Variants in CCSER1 observed in about 807,000 individuals in gnomAD.
CCSER1 encodes coiled-coil serine rich protein 1.
CCSER1 carries 41 observed loss-of-function variants against 82.0 expected under a neutral mutation model. The ratio of observed to expected loss-of-function variants is 0.50; its 90% CI spans 0.39 to 0.65. The LOEUF is 0.65. Among genes scored for constraint, CCSER1 ranks in the 30% least tolerant of loss-of-function variants. The pLI is 0.00. For missense variants in CCSER1, 1,119 were observed against 1,064.2 expected (o/e 1.05, Z -0.72); for synonymous variants, 414 against 383.9 (o/e 1.08, Z -0.92).
intron 10 of CCSER1, among the ~76,000 whole-genome samples, chr4:91,252,903 A>G (rs1452131650): frequency 2.6e-5 from 4 of 152,194 alleles, no homozygotes; most frequent in African/African-American, 9.7e-5. Flanking sequence ...CATAAGGCAT[A>G]TCAAAAGATA....
At chr4:90,567,853 C>T (rs1356776788) in intron 5 of CCSER1, among the ~76,000 whole-genome samples, 4 of 151,358 alleles carry the variant, frequency 2.6e-5, no homozygotes, top group East Asian at 2.0e-4. Context: ...GTGATCTGCC[C>T]GCTTCAGCCT....
intron 8 of CCSER1, among the ~76,000 whole-genome samples, chr4:90,867,788 A>T (rs2150015805): frequency 6.6e-6 from 1 of 152,150 alleles, no homozygotes; most frequent in African/African-American, 2.4e-5. Context: ...ATGAATGAGA[A>T]CATGCAAAAT....
At chr4:90,519,934 G>A (rs922158436) in intron 5 of CCSER1, among the ~76,000 whole-genome samples, 4 of 151,942 alleles carry the variant, frequency 2.6e-5, no homozygotes, top group African/African-American at 4.8e-5. Flanking sequence ...AAACTACATT[G>A]ATTGGTTTAA....
intron 10 of CCSER1, among the ~76,000 whole-genome samples, chr4:91,338,905 G>A (rs1187927198): frequency 2.0e-5 from 3 of 152,080 alleles, no homozygotes; most frequent in African/African-American, 4.8e-5. Flanking sequence ...TTAACACCAC[G>A]TAGCAGTCTC....
At chr4:90,470,170 C>T (rs1171717964) in intron 5 of CCSER1, among the ~76,000 whole-genome samples, 3 of 151,940 alleles carry the variant, frequency 2.0e-5, no homozygotes, top group Non-Finnish European at 4.4e-5. Flanking sequence ...TGTTTTCTTC[C>T]TCACATCTCA....
intron 9 of CCSER1, among the ~76,000 whole-genome samples, chr4:91,042,840 A>G (rs558406995): frequency 1.3e-5 from 2 of 152,228 alleles, no homozygotes; most frequent in South Asian, 2.1e-4. Flanking sequence ...TGAAAAATCT[A>G]TGGCGGCTAG....
chr4:91,189,725 A>G (rs1045498116), intron 10 of CCSER1, among the ~76,000 whole-genome samples: 4 of 152,094 alleles, frequency 2.6e-5, no homozygotes, highest in Admixed American at 2.0e-4. Flanking sequence ...TATATATTGT[A>G]TATAAAGGCA....
chr4:90,966,338 T>C (rs1283305215), intron 9 of CCSER1, among the ~76,000 whole-genome samples: 4 of 151,568 alleles, frequency 2.6e-5, no homozygotes, highest in Admixed American at 2.0e-4. Flanking sequence ...GAAAAAAAAA[T>C]GTGAAGACAG....
At chr4:90,272,136 T>G (rs1726654132) in intron 1 of CCSER1, among the ~76,000 whole-genome samples, 1 of 151,750 alleles carries the variant, frequency 6.6e-6, no homozygotes, top group African/African-American at 2.4e-5. Flanking sequence ...CCTGGACACA[T>G]GAGGATTACA....
At chr4:91,404,210 G>A (rs934124581) in intron 10 of CCSER1, among the ~76,000 whole-genome samples, 2 of 151,970 alleles carry the variant, frequency 1.3e-5, no homozygotes, top group Admixed American at 1.3e-4. Flanking sequence ...TTCCCTGATG[G>A]TAGTTTGTAT....
chr4:90,840,431 GA>G (rs1762440838), intron 8 of CCSER1, among the ~76,000 whole-genome samples: 1 of 152,150 alleles, frequency 6.6e-6, no homozygotes, highest in African/African-American at 2.4e-5. Context: ...TCAAATCCTT[GA>G]AGAACTTTCC....
chr4:90,900,253 T>C (rs1724434019), intron 8 of CCSER1, among the ~76,000 whole-genome samples: 1 of 151,880 alleles, frequency 6.6e-6, no homozygotes, highest in Non-Finnish European at 1.5e-5. Context: ...ATTGTCTGCG[T>C]AGAGATGTTC....
chr4:90,390,143 G>A (rs754722989), intron 3 of CCSER1, among the ~76,000 whole-genome samples: 1 of 152,194 alleles, frequency 6.6e-6, no homozygotes, highest in Non-Finnish European at 1.5e-5. Context: ...AAGTCTGCAG[G>A]AATCAATTTT....
intron 10 of CCSER1, among the ~76,000 whole-genome samples, chr4:91,557,734 A>C (rs1762469265): frequency 6.6e-6 from 1 of 151,364 alleles, no homozygotes; most frequent in African/African-American, 2.4e-5. Flanking sequence ...CCAGAGTGAA[A>C]GTAATGTGTT....
intron 10 of CCSER1, among the ~76,000 whole-genome samples, chr4:91,321,837 A>AAATTTATATTTTACTCTCTTATCACACC (rs1746218467): frequency 6.6e-6 from 1 of 152,052 alleles, no homozygotes; most frequent in Non-Finnish European, 1.5e-5. Context: ...TCGATCATTT[A>AAATTTATATTTTACTCTCTTATCACACC]AATTTATATT....
intron 10 of CCSER1, among the ~76,000 whole-genome samples, chr4:91,436,357 A>G (rs560295764): frequency 1.3e-5 from 2 of 152,190 alleles, no homozygotes; most frequent in Non-Finnish European, 2.9e-5. Flanking sequence ...GATATTTATG[A>G]TGTTTTGCCT....
At chr4:91,438,570 G>A (rs995594823) in intron 10 of CCSER1, among the ~76,000 whole-genome samples, 1 of 152,314 alleles carries the variant, frequency 6.6e-6, no homozygotes, top group East Asian at 1.9e-4. Context: ...CTAAAAAGCA[G>A]AGCGCCTCTC....
At chr4:91,261,205 AG>A (rs1253049319) in intron 10 of CCSER1, among the ~76,000 whole-genome samples, 2 of 152,200 alleles carry the variant, frequency 1.3e-5, no homozygotes, top group Non-Finnish European at 2.9e-5. Flanking sequence ...GTTGAGAGCC[AG>A]TGTTCTAAAT....
chr4:91,438,877 A>G (rs1354472860), intron 10 of CCSER1, among the ~76,000 whole-genome samples: 1 of 152,236 alleles, frequency 6.6e-6, no homozygotes, highest in Non-Finnish European at 1.5e-5. Context: ...AAGAAAGGGT[A>G]TCAGTGATGG....
Sources: allele counts gnomAD v4.1 joint callset (sites outside exome capture counted in the v4.1 genomes callset), GRCh38; gene constraint gnomAD v4.1.1; transcripts MANE v1.5; gene names NCBI Gene and HGNC (gene_info 2026-07-23, HGNC 2026-07-21).